The following ACSS3 variants were observed in gnomAD, a reference collection of about 807,000 sequenced individuals.
ACSS3 encodes the protein acyl-CoA synthetase short-chain family member 3, mitochondrial.
ACSS3 carries 64 observed loss-of-function variants against 84.2 expected under a neutral mutation model. The observed-to-expected ratio is 0.76, with a 90% CI of 0.62 to 0.94. ACSS3 has a LOEUF of 0.94. ACSS3 is among the 40% of genes least tolerant of loss of function. ACSS3 has a pLI of 0.00. For synonymous variants in ACSS3, 317 were observed against 310.1 expected, an observed-to-expected ratio of 1.02 and a Z score of -0.23; for missense variants, 815 against 867.6, an observed-to-expected ratio of 0.94 and a Z score of 0.76.
chr12:81,156,777 T>C (rs1489457663), intron 7 of ACSS3, among the ~76,000 whole-genome samples: 1 of 152,142 alleles, frequency 6.6e-6, no homozygotes, highest in African/African-American at 2.4e-5. Context: ...TTATTACTAT[T>C]AAGAAAATCC....
At chr12:81,213,382 GGGTCCTAGGAT>G (rs1327194923) in intron 9 of ACSS3, among the ~76,000 whole-genome samples, 1 of 152,022 alleles carries the variant, frequency 6.6e-6, no homozygotes, top group Non-Finnish European at 1.5e-5. Flanking sequence ...GTCAGTCCTT[GGGTCCTAGGAT>G]GTTCAGAGGT....
rs369688411 is a variant in ACSS3 at position 81,078,240 on chromosome 12, G to A, written c.120G>A (p.Pro40=). ...AGAALRALVV[P]GPRGGLGGRG... is the part of the protein sequence containing the mutation. ...CGGCCCTCAGGGCTTTAGTGGTCCC[G>A]GGCCCGCGGGGCGGTCTCGGGGGCC... Residue 40 remains proline, a synonymous_variant, in exon 1 of 16, where the codon CCG becomes CCA. Coordinates refer to ENST00000548058, the MANE Select transcript of ACSS3 (RefSeq NM_024560.4). 25 of 1,604,554 alleles carry A rather than the reference G, an allele frequency of 1.6e-5. No homozygotes were observed. In the East Asian group the frequency reaches 1.8e-4, roughly 12 times the overall value.
chr12:81,224,561 TACAC>T (rs541339231), intron 11 of ACSS3, among the ~76,000 whole-genome samples: 1 of 110,634 alleles, frequency 9.0e-6, no homozygotes, highest in East Asian at 2.3e-4. Flanking sequence ...CATATATATA[TACAC>T]ACACACACAT....
chr12:81,188,641 C>T (rs987340352), intron 8 of ACSS3, among the ~76,000 whole-genome samples: 1 of 152,002 alleles, frequency 6.6e-6, no homozygotes, highest in African/African-American at 2.4e-5. Context: ...TGATACCTGG[C>T]TTCTTTCATT....
chr12:81,126,161 C>T (rs1451974597), intron 2 of ACSS3, among the ~76,000 whole-genome samples: 3 of 152,190 alleles, frequency 2.0e-5, no homozygotes, highest in Non-Finnish European at 4.4e-5. Context: ...TGAATGTTTT[C>T]TCTCTCTATA....
chr12:81,239,289 G>A (rs1010132012), intron 13 of ACSS3, among the ~76,000 whole-genome samples: 47 of 151,800 alleles, frequency 3.1e-4, no homozygotes, highest in African/African-American at 1.1e-3. Context: ...CTGTCTTGGT[G>A]ACTGTTCCAT....
chr12:81,162,693 G>T (rs753638046), intron 7 of ACSS3, among the ~76,000 whole-genome samples: 6 of 152,040 alleles, frequency 3.9e-5, no homozygotes, highest in Non-Finnish European at 8.8e-5. Flanking sequence ...TTAACATGTT[G>T]TCCATGGCAC....
At chr12:81,245,998 G>T (rs2033973872) in intron 13 of ACSS3, among the ~76,000 whole-genome samples, 1 of 152,136 alleles carries the variant, frequency 6.6e-6, no homozygotes, top group South Asian at 2.1e-4. Context: ...TACAGGAACA[G>T]TGCCTCTGGG....
chr12:81,181,275 C>T (rs2030901450), intron 8 of ACSS3, among the ~76,000 whole-genome samples: 1 of 152,140 alleles, frequency 6.6e-6, no homozygotes, highest in South Asian at 2.1e-4. Context: ...GCAGTCATCA[C>T]TAACACTGAT....
Position 81,107,833 on chromosome 12 carries a change from T to C in ACSS3, c.312-1727T>C, listed in dbSNP as rs77341514. ...GTGGGCTCCCTGCTTCTTTGGGCTC[T>C]GTTCCCACCTGCAGGTGTTCATTCT... is the stretch of plus-strand genomic sequence containing the variant. On this transcript the variant is annotated intron_variant, in intron 1 of 15. Transcript: ENST00000548058. 1.9e-3 allele frequency among the ~76,000 whole-genome samples: 284 copies of C among 152,086 alleles called. 1 individual carries two copies. The highest frequency in any genetic ancestry group is 3.6e-3 in the Non-Finnish European group (242 of 67,984).
chr12:81,116,409 G>T (rs531535265), intron 2 of ACSS3, among the ~76,000 whole-genome samples: 1 of 152,022 alleles, frequency 6.6e-6, no homozygotes, highest in African/African-American at 2.4e-5. Flanking sequence ...CAATCCAAAA[G>T]AGCAACAATA....
chr12:81,205,206 G>A (rs1429661140), intron 9 of ACSS3, among the ~76,000 whole-genome samples: 1 of 152,070 alleles, frequency 6.6e-6, no homozygotes, highest in Non-Finnish European at 1.5e-5. Context: ...CTTCAGTCAT[G>A]CCAGCTCCTA....
chr12:81,228,993 G>A (rs112652783), intron 11 of ACSS3, among the ~76,000 whole-genome samples: 7 of 151,846 alleles, frequency 4.6e-5, no homozygotes, highest in African/African-American at 1.7e-4. Context: ...CCAGCAATCA[G>A]GTGGAACTAA....
chr12:81,086,896 G>A (rs894013331), intron 1 of ACSS3, among the ~76,000 whole-genome samples: 10 of 152,148 alleles, frequency 6.6e-5, no homozygotes, highest in Non-Finnish European at 1.2e-4. Flanking sequence ...ACAGTTTCAA[G>A]TATATGTGAA....
chr12:81,191,528 G>A (rs2031570306), intron 8 of ACSS3, among the ~76,000 whole-genome samples: 1 of 152,086 alleles, frequency 6.6e-6, no homozygotes, highest in Non-Finnish European at 1.5e-5. Flanking sequence ...ATGTTTTGAA[G>A]TATTTAAAAA....
chr12:81,126,221 G>C (rs1885083694), intron 2 of ACSS3, among the ~76,000 whole-genome samples: 1 of 152,196 alleles, frequency 6.6e-6, no homozygotes, highest in South Asian at 2.1e-4. Context: ...GTGATGATTA[G>C]AGATATTGGC....
intron 7 of ACSS3, 50 bp from the exon 8 acceptor site, chr12:81,174,737 TG>T (rs1228750182): frequency 6.4e-7 from 1 of 1,573,988 alleles, no homozygotes; most frequent in African/African-American, 1.4e-5. Context: ...GAACTGTCAG[TG>T]AAATATGACA....
chr12:81,179,520 C>T lies in ACSS3; in HGVS notation c.1250+4581C>T, dbSNP rs115266743. Among the ~76,000 whole-genome samples, 5 of 151,904 alleles carry T rather than the reference C, an allele frequency of 3.3e-5. No individual in the cohort carries two copies. The South Asian group carries it at 8.3e-4, about 25-fold the overall frequency. On this transcript the variant is annotated intron_variant, in intron 8 of 15. Transcript: ENST00000548058. ...ACAACCCCATTAAGAAATGGGCTCACGCTTGTAATCCCAGCACTTTGGGAG... is the reference window on the plus strand; with the variant it reads ...ACAACCCCATTAAGAAATGGGCTCATGCTTGTAATCCCAGCACTTTGGGAG...
At chr12:81,247,329 C>CT (rs567297433) in intron 13 of ACSS3, among the ~76,000 whole-genome samples, 2 of 151,936 alleles carry the variant, frequency 1.3e-5, no homozygotes. Context: ...AAACCTTAGT[C>CT]TTTTTTTGTT....
Sources: allele counts gnomAD v4.1 joint callset (sites outside exome capture counted in the v4.1 genomes callset), GRCh38; gene constraint gnomAD v4.1.1; transcripts MANE v1.5; gene names NCBI Gene and HGNC (gene_info 2026-07-23, HGNC 2026-07-21).